TECPR1: variants seen among roughly 807,000 people sequenced by gnomAD.
TECPR1 encodes the protein tectonin beta-propeller repeat containing 1.
Under a neutral mutation model 162.4 loss-of-function variants are expected in TECPR1, and 122 were observed. That is an observed-to-expected ratio of 0.75 (90% CI 0.65 to 0.87). The LOEUF (loss-of-function observed/expected upper bound fraction) is 0.87. Ranked by LOEUF, TECPR1 falls within the 40% of genes least tolerant of loss-of-function variation. The pLI is 0.00. For synonymous variants in TECPR1, 642 were observed against 670.6 expected, an observed-to-expected ratio of 0.96 and a Z score of 0.66; for missense variants, 1,432 against 1,618.2, an observed-to-expected ratio of 0.88 and a Z score of 1.97.
rs367911984 is a variant in TECPR1 at position 98,217,422 on chromosome 7, G to A, written c.3466C>T (p.Pro1156Ser). 1.5e-5 allele frequency: 24 copies of A among 1,605,754 alleles called. No individual in the cohort carries two copies. The African/African-American group carries it at 1.9e-4, about 12-fold the overall frequency. ...CAGACGGGGCCATGGGCCTCTGGTG[G>A]GGCACTCGGCTCCTGCTCCTGGGAC... ...SSSQEQEPSAPPEAHGPVCC is the reference protein window; with the variant it reads ...SSSQEQEPSASPEAHGPVCC The change falls in exon 26 of 26, where the codon CCA (proline) becomes TCA (serine). Residue 1156 changes from proline (P) to serine (S), a missense_variant. By Grantham distance (74) the Pro-to-Ser change is moderately conservative (BLOSUM62 -1). Transcript: ENST00000447648.
rs1798016632 is a variant in TECPR1 at position 98,216,667 on chromosome 7, C to T, written c.*723G>A. 6.6e-6 allele frequency: 1 copy of T among 151,430 alleles called. No individual in the cohort carries two copies. Among genetic ancestry groups the T allele is most frequent in the South Asian group, 2.1e-4 (1 of 4,798 alleles). The allele number at this position is 151,430 out of a possible 1,614,324, so 9.4% of individuals were successfully genotyped here. ...CGCCTCCCGGGTTCAAACGATTCTCCTGCCTCAGCCTCCCGAGTAGCTGGG... is the reference window on the plus strand; with the variant it reads ...CGCCTCCCGGGTTCAAACGATTCTCTTGCCTCAGCCTCCCGAGTAGCTGGG... On this transcript the variant is annotated 3_prime_UTR_variant, in exon 26 of 26. Transcript: ENST00000447648.
rs751127833 is a variant in TECPR1, at chr7:98,218,427, C to T, written c.3158-385G>A. Reference sequence around the variant, plus strand: ...ATCCAAATCGAAAAAGAGGAAGTCACGGTGTGTCTGTTTGCCCATGATAGG... The same window carrying T: ...ATCCAAATCGAAAAAGAGGAAGTCATGGTGTGTCTGTTTGCCCATGATAGG... On this transcript the variant is annotated intron_variant, in intron 23 of 25. Coordinates refer to ENST00000447648, the MANE Select transcript of TECPR1 (RefSeq NM_015395.3). Among the ~76,000 whole-genome samples the T allele has an allele frequency of 5.3e-5, 8 of 152,150 alleles. No individual in the cohort carries two copies. In the East Asian group the frequency reaches 1.2e-3, roughly 22 times the overall value.
intron 13 of TECPR1, 194 bp downstream of exon 13, chr7:98,231,610 C>A (rs1798441874): frequency 1.5e-6 from 1 of 688,358 alleles, no homozygotes. Context: ...TGGGGCACCC[C>A]CATTTCTGTA....
In TECPR1 at chr7:98,232,912, C is replaced by T. The variant is rs1296705617; in HGVS notation, c.1733G>A (p.Trp578Ter). 1 of 1,612,804 alleles carries T rather than the reference C, an allele frequency of 6.2e-7. No individual in the cohort carries two copies. Among genetic ancestry groups the T allele is most frequent in the Non-Finnish European group, 8.5e-7 (1 of 1,179,830 alleles). The change falls in exon 12 of 26, where the codon TGG becomes TAG. Residue 578 changes from tryptophan to a stop codon, truncating the protein, a stop_gained. Coordinates refer to ENST00000447648, the MANE Select transcript of TECPR1 (RefSeq NM_015395.3). LOFTEE classifies it high-confidence loss of function. The surrounding 1 kb of genome is among the most constrained non-coding windows in gnomAD (Gnocchi z 4.6). The part of the protein sequence containing the change: ...LSITPAQTAA[W>*]RKQIFQQLTE... ...GAGCTGCTGGAAGATCTGCTTCCTC[C>T]AGGCAGCGGTCTGGGCCGGCGTGAT...
At chr7:98,247,986 G>A (rs556457916) in intron 2 of TECPR1, among the ~76,000 whole-genome samples, 33 of 152,224 alleles carry the variant, frequency 2.2e-4, no homozygotes, top group South Asian at 1.0e-3. Context: ...TTGGCCTCCC[G>A]AAGCGCTGGG....
intron 17 of TECPR1, chr7:98,226,653 C>G (rs1011999747): frequency 9.2e-7 from 1 of 1,091,752 alleles, no homozygotes; most frequent in Non-Finnish European, 1.1e-6. Context: ...GGAGGCCGGG[C>G]GCAGTGGCTC....
At position 98,231,793 on chromosome 7, in the gene TECPR1, C is replaced by A. The variant is rs762614600; in HGVS notation, c.1974+11G>T. The A allele has an allele frequency of 1.9e-6, 3 of 1,609,120 alleles. No homozygotes were observed. The highest frequency in any genetic ancestry group is 1.1e-5 in the South Asian group (1 of 90,976). ...CTCCCTGGCCCCATCTCCTGTGGGA[C>A]CCGTGGGCACCTTCTTCTCCTCGTG... On this transcript the variant is annotated intron_variant, in intron 13 of 25. Transcript: ENST00000447648.
chr7:98,237,741 T>C (rs1274947937), intron 9 of TECPR1, among the ~76,000 whole-genome samples: 1 of 151,690 alleles, frequency 6.6e-6, no homozygotes, highest in African/African-American at 2.4e-5. Context: ...AGTGCTGGGA[T>C]TACAGGCGTG....
chr7:98,226,033 C>T (rs1798272661), intron 17 of TECPR1, among the ~76,000 whole-genome samples: 1 of 152,202 alleles, frequency 6.6e-6, no homozygotes. Flanking sequence ...ACGGCTGAGG[C>T]TGAGATGCCT....
chr7:98,225,064 G>A lies in TECPR1; in HGVS notation c.2552C>T (p.Ser851Leu), dbSNP rs370501239. ...PTDRYMWSDASGLQECTKAGT... is the reference protein window; with the variant it reads ...PTDRYMWSDALGLQECTKAGT... ...AGCCTTCGTGCACTCCTGCAGCCCC[G>A]AGGCATCGCTCCACATGTACCGGTC... Residue 851 changes from serine to leucine, a missense_variant, in exon 18 of 26, where the codon TCG becomes TTG. Transcript: ENST00000447648. The A allele has an allele frequency of 2.0e-5, 31 of 1,568,166 alleles. No homozygotes were observed. The African/African-American group carries it at 2.6e-4, about 13-fold the overall frequency.
Position 98,232,785 on chromosome 7 carries a change from G to GA in TECPR1, c.1818+41dup, listed in dbSNP as rs139511001. On this transcript the variant is annotated intron_variant, in intron 12 of 25. Coordinates refer to ENST00000447648, the MANE Select transcript of TECPR1 (RefSeq NM_015395.3). This position sits in a 1 kb window ranked among gnomAD's most constrained non-coding sequence, Gnocchi z 4.6. ...GCAGGCGCTCAATGAATGATTGCTG[G>GA]AAAAAAAAAAAAAATGCATGCGCAG... 84,213 of 1,195,434 alleles carry GA rather than the reference G, an allele frequency of 0.07. 14 individuals carry two copies. Among genetic ancestry groups the GA allele is most frequent in the Non-Finnish European group, 0.077 (67,555 of 880,796 alleles). 74.1% of individuals were successfully genotyped at this position (1,195,434 alleles called of 1,614,324 possible).
intron 15 of TECPR1, among the ~76,000 whole-genome samples, chr7:98,230,215 A>G (rs1169195409): frequency 6.6e-6 from 1 of 151,122 alleles, no homozygotes; most frequent in Non-Finnish European, 1.5e-5. Context: ...TATGTTGCCC[A>G]GGCTGGTCTT....
Position 98,232,018 on chromosome 7 carries a change from G to T in TECPR1, c.1819-59C>A. 1 of 1,530,770 alleles carries T rather than the reference G, an allele frequency of 6.5e-7. No individual in the cohort carries two copies. The highest frequency in any genetic ancestry group is 8.8e-7 in the Non-Finnish European group (1 of 1,139,342). The allele number at this position is 1,530,770 out of a possible 1,614,324, so 94.8% of individuals were successfully genotyped here. On this transcript the variant is annotated intron_variant, in intron 12 of 25. Transcript: ENST00000447648. This position sits in a 1 kb window ranked among gnomAD's most constrained non-coding sequence, Gnocchi z 4.6. The stretch of plus-strand genomic sequence containing the variant: ...GCAGGCCCGGGGTGCCAGGGGAGGA[G>T]GGCGGGGCTGGGGGTGCCCAGAGGA...
At chr7:98,235,849 A>AAAAAAACAAAAACAAAAAAAAAAC in intron 10 of TECPR1, among the ~76,000 whole-genome samples, 5 of 110,258 alleles carry the variant, frequency 4.5e-5, no homozygotes, top group African/African-American at 1.5e-4. Flanking sequence ...AAAAAAAAAA[A>AAAAAAACAAAAACAAAAAAAAAAC]AACACCATCT....
rs182500323 is a variant in TECPR1, at chr7:98,225,306, G to A, written c.2514-204C>T. ...TCCCAGCACTTTGGGAGGCTGACGC[G>A]GGCAGATCACCTGAGGTCAGGAGTT... On this transcript the variant is annotated intron_variant, in intron 17 of 25. Coordinates refer to ENST00000447648, the MANE Select transcript of TECPR1 (RefSeq NM_015395.3). Among the ~76,000 whole-genome samples, 112 of 152,314 alleles carry A rather than the reference G, an allele frequency of 7.4e-4. 1 individual carries two copies. The highest frequency in any genetic ancestry group is 2.5e-3 in the African/African-American group (102 of 41,590).
intron 21 of TECPR1, chr7:98,222,738 G>T: frequency 1.3e-6 from 1 of 787,308 alleles, no homozygotes; most frequent in Non-Finnish European, 2.0e-6. Context: ...CCGTGGGCGT[G>T]TGCACCTCAC....
chr7:98,245,573 G>T (rs1584358510), intron 3 of TECPR1, among the ~76,000 whole-genome samples: 1 of 152,182 alleles, frequency 6.6e-6, no homozygotes, highest in South Asian at 2.1e-4. Flanking sequence ...CCTGGCTCAA[G>T]TGATCCTCCT....
rs557770686 is a variant in TECPR1, at chr7:98,217,348, C to T, written c.*42G>A. The T allele has an allele frequency of 7.7e-6, 10 of 1,302,312 alleles. No homozygotes were observed. In the African/African-American group the frequency reaches 8.7e-5, roughly 11 times the overall value. 80.7% of individuals were successfully genotyped at this position (1,302,312 alleles called of 1,614,324 possible). A position where few individuals can be genotyped will look rare whatever the true frequency, so the allele number is the denominator to read the frequency against. On this transcript the variant is annotated 3_prime_UTR_variant, in exon 26 of 26. Transcript: ENST00000447648. ...CAAGAATGGCTCAGCCTTGATCCCC[C>T]AAACTGGGCACCGTCCCTGCATGTA...
At position 98,217,384 on chromosome 7, in the gene TECPR1, G is replaced by A; in HGVS notation, c.*6C>T. ...CCGTCCCTGCATGTAGGTGTGTGGG[G>A]GGGCCTCAGCAGCAGACGGGGCCAT... is the stretch of plus-strand genomic sequence containing the variant. On this transcript the variant is annotated 3_prime_UTR_variant, in exon 26 of 26. Coordinates refer to ENST00000447648, the MANE Select transcript of TECPR1 (RefSeq NM_015395.3). The A allele has an allele frequency of 6.5e-7, 1 of 1,541,000 alleles. No homozygotes were observed. Among genetic ancestry groups the A allele is most frequent in the Non-Finnish European group, 8.8e-7 (1 of 1,132,940 alleles).
Sources: gnomAD v4.1 joint callset for allele counts (sites outside exome capture counted in the v4.1 genomes callset) on GRCh38, gnomAD v4.1.1 for gene constraint, Gnocchi (gnomAD v3.1) non-coding constraint, MANE v1.5 for transcripts, NCBI Gene and HGNC (gene_info 2026-07-23, HGNC 2026-07-21) for gene names.